TENM4: variants seen among roughly 807,000 people sequenced by gnomAD.
The protein encoded by TENM4 is teneurin transmembrane protein 4, also known as teneurin-4.
A neutral mutation model predicts 243.3 loss-of-function variants in TENM4; 82 were observed. That is an observed-to-expected ratio of 0.34 (90% confidence interval 0.28 to 0.40). The LOEUF (loss-of-function observed/expected upper bound fraction) is 0.40. Ranked by LOEUF, TENM4 falls within the 10% of genes least tolerant of loss-of-function variation. The probability of loss-of-function intolerance (pLI) is 1.00; values close to 1 mark genes in which losing one functional copy is unlikely to be tolerated. For synonymous variants in TENM4, 1,412 were observed against 1,456.3 expected (o/e 0.97, Z 0.69); for missense variants, 3,138 against 3,673.3 (o/e 0.85, Z 3.77).
At chr11:78,777,551 T>A (rs1209238800) in intron 17 of TENM4, among the ~76,000 whole-genome samples, 1 of 152,238 alleles carries the variant, frequency 6.6e-6, no homozygotes, top group Non-Finnish European at 1.5e-5. Flanking sequence ...TTCATACTTA[T>A]TGAGCATAAT....
intron 6 of TENM4, among the ~76,000 whole-genome samples, chr11:78,979,705 G>C (rs961230123): frequency 6.6e-6 from 1 of 152,086 alleles, no homozygotes; most frequent in Non-Finnish European, 1.5e-5. Context: ...TGAGTAAGTT[G>C]GGAGCAGAGA....
chr11:78,721,225 G>C (rs1565348385), intron 24 of TENM4, among the ~76,000 whole-genome samples: 1 of 152,226 alleles, frequency 6.6e-6, no homozygotes, highest in Admixed American at 6.5e-5. Context: ...GTCTGTGCCA[G>C]TCAGACTCAT....
Position 78,704,157 on chromosome 11 carries a change from G to GTGTA in TENM4, c.4210-1755_4210-1754insTACA, listed in dbSNP as rs1201390547. On this transcript the variant is annotated intron_variant, in intron 27 of 33. Transcript: ENST00000278550. ...TGTATGTCTATGTGTATGTATGTGT[G>GTGTA]TCTATATATATATATATATATATAT... 7.2e-4 allele frequency among the ~76,000 whole-genome samples: 51 copies of GTGTA among 70,534 alleles called. 1 individual carries two copies. Among genetic ancestry groups the GTGTA allele is most frequent in the African/African-American group, 2.9e-3 (49 of 16,664 alleles). 46.3% of individuals were successfully genotyped at this position (70,534 alleles called of 152,430 possible). A position where few individuals can be genotyped will look rare whatever the true frequency, so the allele number is the denominator to read the frequency against.
intron 1 of TENM4, among the ~76,000 whole-genome samples, chr11:79,398,658 G>GATC (rs1472054835): frequency 1.3e-5 from 2 of 148,158 alleles, no homozygotes; most frequent in Non-Finnish European, 3.0e-5. Flanking sequence ...GATCAGGGAT[G>GATC]ATCACAGAAT....
intron 25 of TENM4, among the ~76,000 whole-genome samples, chr11:78,715,904 C>G (rs1859511061): frequency 6.6e-6 from 1 of 152,204 alleles, no homozygotes; most frequent in Admixed American, 6.5e-5. Context: ...CAGGCTGCAG[C>G]GCCACCTGTC....
At chr11:79,134,784 C>T (rs946885355) in intron 4 of TENM4, among the ~76,000 whole-genome samples, 1 of 152,126 alleles carries the variant, frequency 6.6e-6, no homozygotes, top group Non-Finnish European at 1.5e-5. Flanking sequence ...GGATAATTGG[C>T]TAGCGACATG....
intron 6 of TENM4, among the ~76,000 whole-genome samples, chr11:78,925,867 C>G (rs1422523051): frequency 6.7e-6 from 1 of 149,184 alleles, no homozygotes; most frequent in South Asian, 2.1e-4. Flanking sequence ...AAAAAAAAAG[C>G]AATTAACAAC....
chr11:78,741,301 C>T (rs992644844), intron 19 of TENM4, among the ~76,000 whole-genome samples: 12 of 151,882 alleles, frequency 7.9e-5, no homozygotes, highest in African/African-American at 2.7e-4. Flanking sequence ...TGTTTAATGA[C>T]CGACTTTTGA....
intron 2 of TENM4, among the ~76,000 whole-genome samples, chr11:79,251,911 T>G (rs909648532): frequency 1.2e-4 from 18 of 152,056 alleles, no homozygotes; most frequent in African/African-American, 3.6e-4. Context: ...AAAATAGACT[T>G]GAGGAAATTT....
At chr11:79,000,059 A>G (rs1858275562) in intron 6 of TENM4, among the ~76,000 whole-genome samples, 2 of 152,236 alleles carry the variant, frequency 1.3e-5, no homozygotes, top group African/African-American at 4.8e-5. Context: ...CATCAATACA[A>G]TTAATGGCTG....
intron 15 of TENM4, among the ~76,000 whole-genome samples, chr11:78,795,915 A>C (rs564476585): frequency 6.6e-6 from 1 of 152,260 alleles, no homozygotes; most frequent in Non-Finnish European, 1.5e-5. Flanking sequence ...TCCTTTAGAC[A>C]TTGAGGCCAA....
intron 4 of TENM4, among the ~76,000 whole-genome samples, chr11:79,110,793 GAGAT>G (rs1013185907): frequency 1.2e-4 from 19 of 152,294 alleles, no homozygotes; most frequent in African/African-American, 4.1e-4. Context: ...TGGTATCTGA[GAGAT>G]AGGCCCTTTG....
chr11:79,259,962 C>T (rs957783008), intron 2 of TENM4, among the ~76,000 whole-genome samples: 1 of 152,162 alleles, frequency 6.6e-6, no homozygotes, highest in Non-Finnish European at 1.5e-5. Context: ...CTATGTGATG[C>T]AGGAAACTGT....
At chr11:78,942,491 A>G (rs1317978610) in intron 6 of TENM4, among the ~76,000 whole-genome samples, 3 of 151,664 alleles carry the variant, frequency 2.0e-5, no homozygotes, top group Non-Finnish European at 4.4e-5. Flanking sequence ...ATTTTTTAAG[A>G]AAGTTGACTA....
chr11:79,251,781 T>A, intron 2 of TENM4, among the ~76,000 whole-genome samples: 1 of 150,028 alleles, frequency 6.7e-6, no homozygotes, highest in Non-Finnish European at 1.5e-5. Flanking sequence ...AATATAAGCT[T>A]GAAAAATAAG....
intron 32 of TENM4, among the ~76,000 whole-genome samples, chr11:78,664,171 C>G (rs1221809871): frequency 3.3e-5 from 5 of 152,226 alleles, no homozygotes; most frequent in African/African-American, 1.2e-4. Flanking sequence ...TTTAACCATA[C>G]TTCTATGGAG....
At position 78,814,338 on chromosome 11, in the gene TENM4, G is replaced by A; in HGVS notation, c.1739C>T (p.Thr580Ile). Residue 580 changes from threonine (T) to isoleucine (I), a missense_variant, in exon 13 of 34, where the codon ACC becomes ATC. By Grantham distance (89) the Thr-to-Ile change is moderately conservative (BLOSUM62 -1). Coordinates refer to ENST00000278550, the MANE Select transcript of TENM4 (RefSeq NM_001098816.3). ...CAGGAAACCCAGGAAGCAGTGGCAG[G>A]TCCCAGAGATGCAGTCACCATTGCC... ...CYGNGDCISG[T>I]CHCFLGFLGP... 2 of 1,550,616 alleles carry A rather than the reference G, an allele frequency of 1.3e-6. No individual in the cohort carries two copies. Among genetic ancestry groups the A allele is most frequent in the East Asian group, 2.5e-5 (1 of 40,796 alleles).
intron 32 of TENM4, among the ~76,000 whole-genome samples, chr11:78,667,830 G>T (rs1390288322): frequency 6.6e-6 from 1 of 152,196 alleles, no homozygotes; most frequent in Non-Finnish European, 1.5e-5. Context: ...TTGCAAGGTG[G>T]GATGTGCCCA....
chr11:79,266,025 T>A (rs1025158159), intron 2 of TENM4, among the ~76,000 whole-genome samples: 1 of 152,198 alleles, frequency 6.6e-6, no homozygotes, highest in South Asian at 2.1e-4. Context: ...ATTTCCCAGG[T>A]GGAGTAAGTA....
Sources: allele counts gnomAD v4.1 joint callset (sites outside exome capture counted in the v4.1 genomes callset), GRCh38; gene constraint gnomAD v4.1.1; transcripts MANE v1.5; gene names NCBI Gene and HGNC (gene_info 2026-07-23, HGNC 2026-07-21).